RC3H1: variants seen among roughly 807,000 people sequenced by gnomAD.
RC3H1 encodes the protein roquin-1.
Under a neutral mutation model 138.2 loss-of-function variants are expected in RC3H1, and 50 were observed. That is an observed-to-expected ratio of 0.36 (90% CI 0.29 to 0.46). RC3H1 has a LOEUF of 0.46. Among genes scored for constraint, RC3H1 ranks in the 20% least tolerant of loss-of-function variants. The pLI is 1.00. For missense variants in RC3H1, 1,031 were observed against 1,388.1 expected (o/e 0.74, Z 4.09); for synonymous variants, 462 against 489.1 (o/e 0.94, Z 0.73).
chr1:173,986,975 T>C (rs1415475101), intron 2 of RC3H1, among the ~76,000 whole-genome samples: 2 of 152,218 alleles, frequency 1.3e-5, no homozygotes, highest in Non-Finnish European at 2.9e-5. Flanking sequence ...AGAATGCCCC[T>C]AAACTGGGAT....
rs1016737458 is a variant in RC3H1, at chr1:173,963,821, A to C, written c.1831+152T>G. Reference sequence around the variant, plus strand: ...TCATTTATTTCATAGTATTTAGTTAATCATAAAATCTCAATTTTTCCAAAG... The same window carrying C: ...TCATTTATTTCATAGTATTTAGTTACTCATAAAATCTCAATTTTTCCAAAG... On this transcript the variant is annotated intron_variant, in intron 11 of 19. Transcript: ENST00000367696. The C allele has an allele frequency of 1.1e-5, 7 of 635,866 alleles. No individual in the cohort carries two copies. The Admixed American group carries it at 1.5e-4, about 13-fold the overall frequency. 39.4% of individuals were successfully genotyped at this position (635,866 alleles called of 1,614,324 possible).
intron 8 of RC3H1, among the ~76,000 whole-genome samples, chr1:173,970,960 C>CTTT (rs373953604): frequency 3.0e-5 from 4 of 132,606 alleles, no homozygotes; most frequent in Non-Finnish European, 4.8e-5. Context: ...CTCATTTCCA[C>CTTT]TTTTTTTTTT....
chr1:173,952,236 T>C (rs1659437342), intron 13 of RC3H1, 98 bp from the exon 14 acceptor site: 2 of 818,854 alleles, frequency 2.4e-6, no homozygotes, highest in East Asian at 3.0e-5. Flanking sequence ...AAGCAGGGAA[T>C]TTCTTAGAAC....
At chr1:173,993,836 A>G (rs1356894474) in intron 1 of RC3H1, among the ~76,000 whole-genome samples, 1 of 151,494 alleles carries the variant, frequency 6.6e-6, no homozygotes, top group Non-Finnish European at 1.5e-5. Context: ...CCTGGCCAAC[A>G]TGGTGAAACC....
rs1658697328 is a variant in RC3H1 at position 173,938,624 on chromosome 1, G to A, written c.*97C>T. 9 of 878,032 alleles carry A rather than the reference G, an allele frequency of 1.0e-5. No homozygotes were observed. The highest frequency in any genetic ancestry group is 1.3e-5 in the Non-Finnish European group (8 of 600,616). 54.4% of individuals were successfully genotyped at this position (878,032 alleles called of 1,614,324 possible). On this transcript the variant is annotated 3_prime_UTR_variant, in exon 20 of 20. Transcript: ENST00000367696. ...GTGAATTTCCTGGATTTCTCTGACC[G>A]CTCTTAAGAGAAAAAGTTTAGAAGT... is the stretch of plus-strand genomic sequence containing the variant.
At chr1:174,021,542 G>C (rs1463370048) in intron 1 of RC3H1, among the ~76,000 whole-genome samples, 1 of 151,890 alleles carries the variant, frequency 6.6e-6, no homozygotes, top group African/African-American at 2.4e-5. Context: ...ATCGCCAGCA[G>C]GGAGAAGACT....
At chr1:173,989,288 T>C (rs1036601778) in intron 2 of RC3H1, among the ~76,000 whole-genome samples, 2 of 150,888 alleles carry the variant, frequency 1.3e-5, no homozygotes, top group African/African-American at 2.4e-5. Flanking sequence ...CTTGGCCTCC[T>C]GGGCTCAGGT....
intron 2 of RC3H1, among the ~76,000 whole-genome samples, chr1:173,986,080 G>A (rs755868259): frequency 6.6e-6 from 1 of 152,050 alleles, no homozygotes; most frequent in Non-Finnish European, 1.5e-5. Context: ...GGAGTGCAGT[G>A]GCACCATCTC....
Position 173,961,855 on chromosome 1 carries a change from G to A in RC3H1, c.2072C>T (p.Pro691Leu), listed in dbSNP as rs1224907842. 6.2e-7 allele frequency: 1 copy of A among 1,614,012 alleles called. No individual in the cohort carries two copies. The highest frequency in any genetic ancestry group is 1.1e-5 in the South Asian group (1 of 91,090). Residue 691 changes from proline (P) to leucine (L), a missense_variant, in exon 12 of 20, where the codon CCT becomes CTT. Around this residue, in one of 7 missense-constraint regions of RC3H1, gnomAD observed 716 missense variants for 837.9 expected, o/e 0.85. Coordinates refer to ENST00000367696, the MANE Select transcript of RC3H1 (RefSeq NM_172071.4). ...TGCAGGTGGAATCTCAATGGGTATA[G>A]GGCTTTCTCGGAATATCTCTTCTCT... ...YTREEIFRES[P>L]IPIEIPPAAV...
intron 14 of RC3H1, among the ~76,000 whole-genome samples, chr1:173,951,204 AATC>A (rs1659381361): frequency 6.6e-6 from 1 of 152,136 alleles, no homozygotes; most frequent in African/African-American, 2.4e-5. Context: ...GCATGCCTCT[AATC>A]CCAGCTACTC....
rs1367796037 is a variant in RC3H1, at chr1:173,934,654, T to C, written c.*4067A>G. On this transcript the variant is annotated 3_prime_UTR_variant, in exon 20 of 20. Coordinates refer to ENST00000367696, the MANE Select transcript of RC3H1 (RefSeq NM_172071.4). ...CCTACCAGTAGGGCAAATACCACATTTGTGCATCACTGAGTAATAACACCA... is the reference window on the plus strand; with the variant it reads ...CCTACCAGTAGGGCAAATACCACATCTGTGCATCACTGAGTAATAACACCA... 6.6e-6 allele frequency: 1 copy of C among 152,164 alleles called. No homozygotes were observed. The highest frequency in any genetic ancestry group is 2.4e-5 in the African/African-American group (1 of 41,440). 9.4% of individuals were successfully genotyped at this position (152,164 alleles called of 1,614,324 possible). A position where few individuals can be genotyped will look rare whatever the true frequency, so the allele number is the denominator to read the frequency against.
intron 17 of RC3H1, 139 bp from the exon 18 acceptor site, chr1:173,943,754 C>CATTA: frequency 1.4e-6 from 1 of 729,836 alleles, no homozygotes; most frequent in Non-Finnish European, 2.0e-6. Flanking sequence ...CTGTAAGGTG[C>CATTA]TGTTCTCTTT....
At chr1:173,943,123 ACCAT>A (rs1446074199) in intron 18 of RC3H1, among the ~76,000 whole-genome samples, 2 of 152,330 alleles carry the variant, frequency 1.3e-5, no homozygotes, top group East Asian at 3.9e-4. Flanking sequence ...AATAGTAAAC[ACCAT>A]CCTATTTGCT....
At chr1:173,950,167 C>CA (rs989953163) in intron 14 of RC3H1, among the ~76,000 whole-genome samples, 33 of 148,330 alleles carry the variant, frequency 2.2e-4, no homozygotes, top group African/African-American at 6.4e-4. Context: ...AACTCCGTCT[C>CA]AAAAAAAAAG....
At chr1:173,975,198 C>A (rs994277069) in intron 7 of RC3H1, among the ~76,000 whole-genome samples, 31 of 152,108 alleles carry the variant, frequency 2.0e-4, no homozygotes, top group African/African-American at 3.6e-4. Context: ...CGGGTTCAAG[C>A]AATTCTCCTG....
intron 1 of RC3H1, among the ~76,000 whole-genome samples, chr1:174,021,621 G>A (rs1250671117): frequency 2.0e-5 from 3 of 152,214 alleles, no homozygotes; most frequent in African/African-American, 7.2e-5. Flanking sequence ...AAGAAGGGGA[G>A]CGCTTCAGGG....
At chr1:173,951,899 G>C in intron 14 of RC3H1, 87 bp downstream of exon 14, 1 of 1,290,046 alleles carries the variant, frequency 7.8e-7, no homozygotes, top group Non-Finnish European at 1.0e-6. Context: ...AAGCAAAGCT[G>C]AATTATTTGT....
intron 14 of RC3H1, among the ~76,000 whole-genome samples, chr1:173,951,634 C>T (rs550877559): frequency 1.7e-4 from 26 of 152,208 alleles, no homozygotes; most frequent in East Asian, 5.8e-4. Context: ...TCTGGCCTCC[C>T]GGGTTCATGC....
chr1:173,994,817 A>G (rs1661425383), intron 1 of RC3H1, among the ~76,000 whole-genome samples: 3 of 151,998 alleles, frequency 2.0e-5, no homozygotes, highest in African/African-American at 4.8e-5. Context: ...AAAAAAAAGA[A>G]AAAAGAAACC....
Sources: gnomAD v4.1 joint callset for allele counts (sites outside exome capture counted in the v4.1 genomes callset) on GRCh38, gnomAD v4.1.1 for gene constraint, gnomAD v4.1.1 regional missense constraint, MANE v1.5 for transcripts, NCBI Gene and HGNC (gene_info 2026-07-23, HGNC 2026-07-21) for gene names.